The following KANSL1 variants were observed in gnomAD, a reference collection of about 807,000 sequenced individuals.
KANSL1 encodes MLL1/MLL complex subunit KANSL1.
In KANSL1, 22 loss-of-function variants were observed where a neutral mutation model predicts 103.6. The ratio of observed to expected loss-of-function variants is 0.21; its 90% confidence interval spans 0.15 to 0.30. KANSL1 has a LOEUF of 0.30. Among genes scored for constraint, KANSL1 ranks in the 10% least tolerant of loss-of-function variants. KANSL1 has a pLI of 1.00. For missense variants in KANSL1, 1,337 were observed against 1,399.8 expected (o/e 0.96, Z 0.72); for synonymous variants, 600 against 527.6 (o/e 1.14, Z -1.88).
At chr17:46,070,399 CTA>C (rs937316921) in intron 4 of KANSL1, among the ~76,000 whole-genome samples, 3 of 152,004 alleles carry the variant, frequency 2.0e-5, no homozygotes, top group Admixed American at 1.3e-4. Flanking sequence ...AGTTGTAAAA[CTA>C]TTCTGAAATT....
At chr17:46,181,974 T>C (rs373325590) in intron 1 of KANSL1, among the ~76,000 whole-genome samples, 2 of 152,214 alleles carry the variant, frequency 1.3e-5, no homozygotes, top group Non-Finnish European at 2.9e-5. Context: ...TATCACTTTC[T>C]TCCTGCTTGA....
intron 1 of KANSL1, among the ~76,000 whole-genome samples, chr17:46,174,369 G>C (rs1279909598): frequency 6.6e-6 from 1 of 152,164 alleles, no homozygotes; most frequent in Admixed American, 6.5e-5. Flanking sequence ...ATTTTTAGTA[G>C]AGACAGGGTT....
rs976154695 is a variant in KANSL1, at chr17:46,030,445, C to G, written c.*1031G>C. Reference sequence around the variant, plus strand: ...ATACAGGAGACAGGCACAAGGTTAACAGAGAAGGGTGAAGGGGGAACAATG... The same window carrying G: ...ATACAGGAGACAGGCACAAGGTTAAGAGAGAAGGGTGAAGGGGGAACAATG... On this transcript the variant is annotated 3_prime_UTR_variant, in exon 15 of 15. Coordinates refer to ENST00000432791, the MANE Select transcript of KANSL1 (RefSeq NM_015443.4). 3 of 151,860 alleles carry G rather than the reference C, an allele frequency of 2.0e-5. No homozygotes were observed. The highest frequency in any genetic ancestry group is 7.3e-5 in the African/African-American group (3 of 41,322). 9.4% of individuals were successfully genotyped at this position (151,860 alleles called of 1,614,324 possible). A position where few individuals can be genotyped will look rare whatever the true frequency, so the allele number is the denominator to read the frequency against.
intron 3 of KANSL1, chr17:46,093,294 T>C (rs1014562410): frequency 1.3e-5 from 2 of 152,664 alleles, no homozygotes; most frequent in Non-Finnish European, 2.9e-5. Flanking sequence ...TTGTGAAGAC[T>C]TGGGAAAGCA....
intron 2 of KANSL1, among the ~76,000 whole-genome samples, chr17:46,096,311 C>CTTTCTTTCTTTCTTTTTTTT (rs753073992): frequency 0.033 from 2,522 of 75,888 alleles, 102 homozygotes; most frequent in Non-Finnish European, 0.05. Context: ...GCTTTTTTTT[C>CTTTCTTTCTTTCTTTTTTTT]TTTTTTTTTT....
At chr17:46,172,284 A>C in intron 1 of KANSL1, 52 bp from the exon 2 acceptor site, 1 of 882,932 alleles carries the variant, frequency 1.1e-6, no homozygotes, top group South Asian at 1.8e-5. Flanking sequence ...TTTTAAAAAC[A>C]TGTATATTTT....
At chr17:46,120,401 T>C (rs1350267128) in intron 2 of KANSL1, among the ~76,000 whole-genome samples, 6 of 147,528 alleles carry the variant, frequency 4.1e-5, no homozygotes, top group Non-Finnish European at 7.7e-5. Flanking sequence ...TTAGTCTAAG[T>C]AAAAGCAGCA....
At chr17:46,063,769 T>C (rs1195804255) in intron 6 of KANSL1, among the ~76,000 whole-genome samples, 1 of 152,072 alleles carries the variant, frequency 6.6e-6, no homozygotes, top group Non-Finnish European at 1.5e-5. Flanking sequence ...ACTTCACATA[T>C]TAAAAAACAA....
At chr17:46,185,832 G>A (rs189475240) in intron 1 of KANSL1, among the ~76,000 whole-genome samples, 1 of 152,046 alleles carries the variant, frequency 6.6e-6, no homozygotes, top group East Asian at 1.9e-4. Context: ...GACCAGCCTA[G>A]ACAACATAGC....
intron 2 of KANSL1, among the ~76,000 whole-genome samples, chr17:46,147,126 GA>G (rs1387587837): frequency 1.3e-5 from 2 of 152,168 alleles, no homozygotes; most frequent in African/African-American, 4.8e-5. Flanking sequence ...TTTCAAATCA[GA>G]ATGACCTTGA....
intron 5 of KANSL1, among the ~76,000 whole-genome samples, chr17:46,066,970 T>C (rs2146661817): frequency 6.6e-6 from 1 of 152,324 alleles, no homozygotes; most frequent in Non-Finnish European, 1.5e-5. Context: ...GTCTGAAAGA[T>C]AAAAGTCAAT....
intron 2 of KANSL1, among the ~76,000 whole-genome samples, chr17:46,141,071 T>TA (rs2044395970): frequency 6.6e-6 from 1 of 151,352 alleles, no homozygotes; most frequent in Admixed American, 6.6e-5. Context: ...TCCTGTTTGT[T>TA]TAAAAAAAAA....
intron 2 of KANSL1, among the ~76,000 whole-genome samples, chr17:46,103,014 A>G (rs1432430662): frequency 6.6e-6 from 1 of 152,204 alleles, no homozygotes; most frequent in Non-Finnish European, 1.5e-5. Context: ...AGCAGAAGAC[A>G]TTAGGTGGAA....
intron 4 of KANSL1, among the ~76,000 whole-genome samples, chr17:46,075,844 C>T (rs1317183286): frequency 6.6e-6 from 1 of 152,152 alleles, no homozygotes; most frequent in Non-Finnish European, 1.5e-5. Flanking sequence ...CTCTTTCAAG[C>T]CTATGCTGCA....
chr17:46,164,678 G>A (rs2045908419), intron 2 of KANSL1, among the ~76,000 whole-genome samples: 1 of 152,236 alleles, frequency 6.6e-6, no homozygotes, highest in South Asian at 2.1e-4. Flanking sequence ...ACTTATACCA[G>A]TGCTTTGCTG....
chr17:46,086,513 C>A (rs2079170595), intron 3 of KANSL1, among the ~76,000 whole-genome samples: 1 of 152,200 alleles, frequency 6.6e-6, no homozygotes, highest in African/African-American at 2.4e-5. Context: ...ACCTATCCCT[C>A]TCCCCTAACC....
chr17:46,038,374 T>C lies in KANSL1; in HGVS notation c.2541+164A>G, dbSNP rs2146355493. 4.1e-6 allele frequency: 3 copies of C among 725,256 alleles called. No homozygotes were observed. In the South Asian group the frequency reaches 6.6e-5, roughly 16 times the overall value. 44.9% of individuals were successfully genotyped at this position (725,256 alleles called of 1,614,324 possible). Reference sequence around the variant, plus strand: ...ACAACAGAAGGTCAAGTACCATGACTTTGACTTAAAAATGGTACAGACATA... The same window carrying C: ...ACAACAGAAGGTCAAGTACCATGACCTTGACTTAAAAATGGTACAGACATA... On this transcript the variant is annotated intron_variant, in intron 10 of 14. Transcript: ENST00000432791.
At chr17:46,122,877 C>G (rs1430272361) in intron 2 of KANSL1, among the ~76,000 whole-genome samples, 1 of 152,222 alleles carries the variant, frequency 6.6e-6, no homozygotes, top group Non-Finnish European at 1.5e-5. Context: ...TCTCACTACT[C>G]CACTGAATGG....
intron 1 of KANSL1, among the ~76,000 whole-genome samples, chr17:46,181,884 CTT>C (rs367659845): frequency 1.4e-5 from 2 of 148,118 alleles, no homozygotes; most frequent in African/African-American, 2.5e-5. Flanking sequence ...CCTTCTTCTA[CTT>C]TTTTTTTTTG....
Sources: gnomAD v4.1 joint callset for allele counts (sites outside exome capture counted in the v4.1 genomes callset) on GRCh38, gnomAD v4.1.1 for gene constraint, MANE v1.5 for transcripts, NCBI Gene and HGNC (gene_info 2026-07-23, HGNC 2026-07-21) for gene names.